The following SKIC3 variants were observed in gnomAD, a reference collection of about 807,000 sequenced individuals.
SKIC3 encodes SKI3 subunit of superkiller complex.
chr5:95,537,611 A>C, the SKIC3 span, among the ~76,000 whole-genome samples: 2 of 152,216 alleles, frequency 1.3e-5, no homozygotes, highest in Non-Finnish European at 2.9e-5. Context: ...ATATGACTGA[A>C]CTGTTATGAA....
At chr5:95,551,522 G>A in the SKIC3 span, among the ~76,000 whole-genome samples, 1 of 152,146 alleles carries the variant, frequency 6.6e-6, no homozygotes, top group Non-Finnish European at 1.5e-5. Context: ...CAATGTTTAG[G>A]AAAGTAAGAT....
At chr5:95,537,121 A>G in the SKIC3 span, 1 of 1,613,604 alleles carries the variant, frequency 6.2e-7, no homozygotes, top group Non-Finnish European at 8.5e-7. Context: ...ATCCCAGTGC[A>G]TTCTCAAAAG....
chr5:95,511,743 T>C, the SKIC3 span, among the ~76,000 whole-genome samples: 3 of 152,314 alleles, frequency 2.0e-5, 1 homozygote, highest in South Asian at 6.2e-4. Context: ...ATCTAGGATA[T>C]GCCAGGCACC....
At chr5:95,523,058 G>A in the SKIC3 span, 1 of 1,139,298 alleles carries the variant, frequency 8.8e-7, no homozygotes, top group African/African-American at 1.5e-5. Context: ...CCACTGCCCT[G>A]CAAACAATAA....
chr5:95,464,763 C>G, the SKIC3 span: 2 of 1,130,592 alleles, frequency 1.8e-6, no homozygotes, highest in Non-Finnish European at 2.6e-6. Context: ...CCAAGTAATC[C>G]AAGGGCGGCA....
chr5:95,520,277 TG>T, the SKIC3 span, among the ~76,000 whole-genome samples: 1 of 151,682 alleles, frequency 6.6e-6, no homozygotes, highest in Non-Finnish European at 1.5e-5. Context: ...GCAATCAGAT[TG>T]TCATTTCCCC....
the SKIC3 span, chr5:95,530,048 T>C: frequency 6.2e-7 from 1 of 1,606,760 alleles, no homozygotes; most frequent in Non-Finnish European, 8.5e-7. Context: ...GACTGAATAA[T>C]AATTATACTT....
the SKIC3 span, chr5:95,494,677 T>C: frequency 6.8e-6 from 11 of 1,612,418 alleles, no homozygotes; most frequent in Middle Eastern, 1.6e-4. Context: ...AGATATTATA[T>C]GCACCTGGAG....
At chr5:95,474,742 A>G in the SKIC3 span, among the ~76,000 whole-genome samples, 6 of 152,192 alleles carry the variant, frequency 3.9e-5, no homozygotes, top group African/African-American at 9.6e-5. Flanking sequence ...AGGAATGCCA[A>G]TGAGTTGTAG....
chr5:95,539,950 G>A, the SKIC3 span, among the ~76,000 whole-genome samples: 2 of 152,024 alleles, frequency 1.3e-5, no homozygotes, highest in Admixed American at 6.5e-5. Flanking sequence ...AAAGATACTT[G>A]CACATGCATG....
chr5:95,505,857 G>A, the SKIC3 span, among the ~76,000 whole-genome samples: 2 of 150,888 alleles, frequency 1.3e-5, no homozygotes, highest in Non-Finnish European at 2.9e-5. Context: ...CAAGCTGACA[G>A]AATTTTAAGA....
chr5:95,478,927 C>T, the SKIC3 span, among the ~76,000 whole-genome samples: 4 of 152,146 alleles, frequency 2.6e-5, no homozygotes, highest in East Asian at 7.7e-4. Context: ...ATGAAATAGT[C>T]AATGCTTTCT....
the SKIC3 span, chr5:95,517,089 T>C: frequency 6.2e-7 from 1 of 1,613,576 alleles, no homozygotes; most frequent in Non-Finnish European, 8.5e-7. Flanking sequence ...GAATGTTTTT[T>C]GTTACAATGC....
the SKIC3 span, chr5:95,516,865 A>G: frequency 6.4e-7 from 1 of 1,558,846 alleles, no homozygotes; most frequent in South Asian, 1.2e-5. Context: ...CAACTTCGAG[A>G]AAAGCATTAT....
At chr5:95,489,366 T>C in the SKIC3 span, among the ~76,000 whole-genome samples, 1 of 151,838 alleles carries the variant, frequency 6.6e-6, no homozygotes, top group African/African-American at 2.4e-5. Context: ...CGTATGCTTA[T>C]GTGTAAGCAA....
At chr5:95,522,418 T>C in the SKIC3 span, 3 of 1,349,864 alleles carry the variant, frequency 2.2e-6, no homozygotes, top group Non-Finnish European at 3.0e-6. Flanking sequence ...TGGCTCCTTC[T>C]ACTTATAAAA....
chr5:95,509,720 T>C, the SKIC3 span: 27 of 1,346,202 alleles, frequency 2.0e-5, no homozygotes, highest in Non-Finnish European at 2.9e-5. Flanking sequence ...ATTTTAAATA[T>C]GCCTACTGAT....
chr5:95,519,638 A>G, the SKIC3 span, among the ~76,000 whole-genome samples: 11 of 152,066 alleles, frequency 7.2e-5, no homozygotes, highest in Non-Finnish European at 1.6e-4. Context: ...ATATCTATAA[A>G]TTGAAGTAAC....
chr5:95,501,650 G>C, the SKIC3 span, among the ~76,000 whole-genome samples: 2 of 151,384 alleles, frequency 1.3e-5, no homozygotes, highest in Non-Finnish European at 1.5e-5. Context: ...ATAAAACATC[G>C]GGGTAAAGGT....
Sources: gnomAD v4.1 joint callset for allele counts (sites outside exome capture counted in the v4.1 genomes callset) on GRCh38, gnomAD v4.1.1 for gene constraint, MANE v1.5 for transcripts, NCBI Gene and HGNC (gene_info 2026-07-23, HGNC 2026-07-21) for gene names.